The following SLC9A1 variants were observed in gnomAD, a reference collection of about 807,000 sequenced individuals.
The protein encoded by SLC9A1 is solute carrier family 9 member A1, also known as sodium/hydrogen exchanger 1.
In SLC9A1, 22 loss-of-function variants were observed where a neutral mutation model predicts 67.9. The observed-to-expected ratio is 0.32, with a 90% CI of 0.23 to 0.46. SLC9A1 has a LOEUF of 0.46. Ranked by LOEUF, SLC9A1 falls within the 20% of genes least tolerant of loss-of-function variation. The probability of loss-of-function intolerance (pLI) is 1.00; values close to 1 mark genes in which losing one functional copy is unlikely to be tolerated. For missense variants in SLC9A1, 686 were observed against 1,094.8 expected (o/e 0.63, Z 5.27); for synonymous variants, 421 against 471.8 (o/e 0.89, Z 1.40).
Position 27,100,005 on chromosome 1 carries a change from G to A in SLC9A1, c.*302C>T, listed in dbSNP as rs1339163648. On this transcript the variant is annotated 3_prime_UTR_variant, in exon 12 of 12. Transcript: ENST00000263980. This position sits in a 1 kb window ranked among gnomAD's most constrained non-coding sequence, Gnocchi z 5.6. Reference sequence around the variant, plus strand: ...GAGGAGGAGGATGAGGCAGAGGGAGGAGCCTCCGAGGCCCTAGTCCAGGTC... The same window carrying A: ...GAGGAGGAGGATGAGGCAGAGGGAGAAGCCTCCGAGGCCCTAGTCCAGGTC... The A allele has an allele frequency of 5.4e-6, 2 of 368,556 alleles. No homozygotes were observed. The highest frequency in any genetic ancestry group is 4.3e-5 in the Admixed American group (1 of 23,408). 22.8% of individuals were successfully genotyped at this position (368,556 alleles called of 1,614,324 possible).
chr1:27,147,111 AAAACAAAC>A (rs147266205), intron 1 of SLC9A1, among the ~76,000 whole-genome samples: 45,800 of 150,112 alleles, frequency 0.31, 7,378 homozygotes, highest in Non-Finnish European at 0.36. Context: ...GTCTCTACTA[AAAACAAAC>A]AAACAAACAA....
Position 27,154,554 on chromosome 1 carries a change from G to C in SLC9A1, c.-220C>G. ...GTGGGGAAAGGGGGCAAGGACCCAG[G>C]AACGACCACGAAAGGAGACCAAAAG... is the stretch of plus-strand genomic sequence containing the variant. On this transcript the variant is annotated 5_prime_UTR_variant, in exon 1 of 12. Coordinates refer to ENST00000263980, the MANE Select transcript of SLC9A1 (RefSeq NM_003047.5). 1 of 500,414 alleles carries C rather than the reference G, an allele frequency of 2.0e-6. No homozygotes were observed. Among genetic ancestry groups the C allele is most frequent in the Non-Finnish European group, 3.5e-6 (1 of 282,026 alleles). 31.0% of individuals were successfully genotyped at this position (500,414 alleles called of 1,614,324 possible).
At position 27,106,420 on chromosome 1, in the gene SLC9A1, G is replaced by T. The variant is rs565580034; in HGVS notation, c.1283-333C>A. Among the ~76,000 whole-genome samples the T allele has an allele frequency of 2.6e-5, 4 of 152,086 alleles. No homozygotes were observed. Among genetic ancestry groups the T allele is most frequent in the African/African-American group, 9.6e-5 (4 of 41,454 alleles). The stretch of plus-strand genomic sequence containing the variant: ...TGTTAAATGTGATGGGTGTGTGGGG[G>T]GTCATGATCCTATTCTCTCTACTTT... On this transcript the variant is annotated intron_variant, in intron 4 of 11. Coordinates refer to ENST00000263980, the MANE Select transcript of SLC9A1 (RefSeq NM_003047.5). This position sits in a 1 kb window ranked among gnomAD's most constrained non-coding sequence, Gnocchi z 4.3.
intron 3 of SLC9A1, among the ~76,000 whole-genome samples, chr1:27,108,438 G>A (rs963180913): frequency 2.6e-5 from 4 of 151,680 alleles, no homozygotes; most frequent in Non-Finnish European, 5.9e-5. Context: ...AGCACTTTGG[G>A]AGGCCGACAA....
At chr1:27,119,085 A>T (rs1021409564) in intron 1 of SLC9A1, among the ~76,000 whole-genome samples, 46 of 139,080 alleles carry the variant, frequency 3.3e-4, no homozygotes, top group South Asian at 9.5e-4. Context: ...ACACACACAC[A>T]CTCTTGCTGA....
At chr1:27,120,019 C>T (rs2083294503) in intron 1 of SLC9A1, among the ~76,000 whole-genome samples, 1 of 151,986 alleles carries the variant, frequency 6.6e-6, no homozygotes, top group South Asian at 2.1e-4. Flanking sequence ...TTGCAGTGAG[C>T]CAAGATTGCA....
rs1161228336 is a variant in SLC9A1 at position 27,118,021 on chromosome 1, G to T, written c.353-3735C>A. On this transcript the variant is annotated intron_variant, in intron 1 of 11. Transcript: ENST00000263980. The surrounding 1 kb of genome is among the most constrained non-coding windows in gnomAD (Gnocchi z 4.3). The stretch of plus-strand genomic sequence containing the variant: ...CATTCCTATTGAACACAAGAAAAAC[G>T]AGCTCTGAGAGGAGGCTGCATGCAC... Among the ~76,000 whole-genome samples the T allele has an allele frequency of 6.6e-6, 1 of 152,074 alleles. No homozygotes were observed. The highest frequency in any genetic ancestry group is 6.5e-5 in the Admixed American group (1 of 15,280).
intron 1 of SLC9A1, among the ~76,000 whole-genome samples, chr1:27,145,573 G>A (rs929711557): frequency 5.3e-5 from 8 of 152,192 alleles, no homozygotes; most frequent in African/African-American, 1.4e-4. Context: ...TCACTCCTCC[G>A]CCTTCTGTGG....
chr1:27,137,620 G>A lies in SLC9A1; in HGVS notation c.352+16363C>T, dbSNP rs930652837. Among the ~76,000 whole-genome samples the A allele has an allele frequency of 6.6e-6, 1 of 152,156 alleles. No individual in the cohort carries two copies. Among genetic ancestry groups the A allele is most frequent in the African/African-American group, 2.4e-5 (1 of 41,436 alleles). ...AGGATCCCTCCCAGTGCTAAAGTCT[G>A]GTTCTGATTCTAGGTCTGCCCTTTC... On this transcript the variant is annotated intron_variant, in intron 1 of 11. Transcript: ENST00000263980. The surrounding 1 kb of genome is among the most constrained non-coding windows in gnomAD (Gnocchi z 4.6).
Position 27,099,884 on chromosome 1 carries a change from G to C in SLC9A1, c.*423C>G, listed in dbSNP as rs1340173506. 2 of 167,826 alleles carry C rather than the reference G, an allele frequency of 1.2e-5. No homozygotes were observed. The highest frequency in any genetic ancestry group is 4.8e-5 in the African/African-American group (2 of 42,060). 10.4% of individuals were successfully genotyped at this position (167,826 alleles called of 1,614,324 possible). ...CCCTGGTTTGTCCCCTGATAAAGCA[G>C]GGCCTACTCAAGGGAGGCCTCAGCT... On this transcript the variant is annotated 3_prime_UTR_variant, in exon 12 of 12. Coordinates refer to ENST00000263980, the MANE Select transcript of SLC9A1 (RefSeq NM_003047.5).
At chr1:27,123,551 G>A (rs1183502366) in intron 1 of SLC9A1, among the ~76,000 whole-genome samples, 1 of 151,494 alleles carries the variant, frequency 6.6e-6, no homozygotes, top group African/African-American at 2.4e-5. Context: ...CACCCAGGCT[G>A]GAGTGTTGGA....
intron 1 of SLC9A1, among the ~76,000 whole-genome samples, chr1:27,131,579 C>G (rs546103564): frequency 1.4e-3 from 217 of 151,010 alleles, no homozygotes; most frequent in Non-Finnish European, 2.4e-3. Flanking sequence ...GAAGCCCTGT[C>G]TCTTCTCAAA....
At chr1:27,123,523 G>T (rs1490765737) in intron 1 of SLC9A1, among the ~76,000 whole-genome samples, 4 of 147,870 alleles carry the variant, frequency 2.7e-5, no homozygotes, top group Non-Finnish European at 4.5e-5. Flanking sequence ...TTTTTTTTTA[G>T]ACAGAGTCTC....
At chr1:27,139,166 G>A (rs35159463) in intron 1 of SLC9A1, among the ~76,000 whole-genome samples, 32,265 of 152,056 alleles carry the variant, frequency 0.21, 3,703 homozygotes, top group Non-Finnish European at 0.25. Flanking sequence ...CTCCCCAACA[G>A]GTGCCTGCCC....
At chr1:27,146,130 C>T (rs555020523) in intron 1 of SLC9A1, among the ~76,000 whole-genome samples, 71 of 152,180 alleles carry the variant, frequency 4.7e-4, no homozygotes, top group East Asian at 3.9e-3. Context: ...CCCACACAGG[C>T]GATGGATGAC....
chr1:27,112,380 C>G (rs2083234483), intron 2 of SLC9A1, among the ~76,000 whole-genome samples: 1 of 152,176 alleles, frequency 6.6e-6, no homozygotes, highest in African/African-American at 2.4e-5. Flanking sequence ...TGCACATGTG[C>G]CCTTGAGCTT....
chr1:27,147,199 C>T (rs545302057), intron 1 of SLC9A1, among the ~76,000 whole-genome samples: 2 of 148,404 alleles, frequency 1.3e-5, no homozygotes, highest in East Asian at 4.2e-4. Context: ...ACTCAGGAGG[C>T]TGAGGCAGAA....
At chr1:27,104,226 C>G (rs536814731) in intron 5 of SLC9A1, among the ~76,000 whole-genome samples, 61 of 151,730 alleles carry the variant, frequency 4.0e-4, no homozygotes, top group African/African-American at 1.4e-3. Context: ...GGATTACAGG[C>G]GGCTGCCACC....
At chr1:27,149,471 C>T (rs369637168) in intron 1 of SLC9A1, among the ~76,000 whole-genome samples, 2 of 152,352 alleles carry the variant, frequency 1.3e-5, no homozygotes, top group East Asian at 3.9e-4. Context: ...ATTATTAAAA[C>T]ACACACACCC....
Sources: allele counts gnomAD v4.1 joint callset (sites outside exome capture counted in the v4.1 genomes callset), GRCh38; gene constraint gnomAD v4.1.1; non-coding constraint Gnocchi (gnomAD v3.1); transcripts MANE v1.5; gene names NCBI Gene and HGNC (gene_info 2026-07-23, HGNC 2026-07-21).